Variants in RPS6KA5 observed in about 807,000 individuals in gnomAD.
RPS6KA5 encodes the protein ribosomal protein S6 kinase A5.
Under a neutral mutation model 85.5 loss-of-function variants are expected in RPS6KA5, and 27 were observed. That is an observed-to-expected ratio of 0.32 (90% CI 0.23 to 0.44). The LOEUF (loss-of-function observed/expected upper bound fraction) is 0.44. RPS6KA5 is among the 20% of genes least tolerant of loss of function. The probability of loss-of-function intolerance (pLI) is 1.00; values close to 1 mark genes in which losing one functional copy is unlikely to be tolerated. For synonymous variants in RPS6KA5, 334 were observed against 348.2 expected, an observed-to-expected ratio of 0.96 and a Z score of 0.46; for missense variants, 811 against 980.9, an observed-to-expected ratio of 0.83 and a Z score of 2.31.
At chr14:90,997,560 G>T (rs955170594) in intron 2 of RPS6KA5, among the ~76,000 whole-genome samples, 1 of 151,938 alleles carries the variant, frequency 6.6e-6, no homozygotes, top group Non-Finnish European at 1.5e-5. Context: ...TTTTAATTTT[G>T]GCAAGATGGG....
intron 1 of RPS6KA5, chr14:91,052,492 A>T: frequency 4.1e-6 from 1 of 241,858 alleles, no homozygotes; most frequent in South Asian, 3.8e-5. Context: ...AAACAGATTT[A>T]CTTAAGAGAT....
intron 2 of RPS6KA5, among the ~76,000 whole-genome samples, chr14:90,982,285 C>CA (rs5810527): frequency 1.2e-3 from 168 of 144,784 alleles, no homozygotes; most frequent in African/African-American, 3.3e-3. Flanking sequence ...ATTCCTTTGG[C>CA]AAAAAAAAAA....
At chr14:91,008,863 G>A (rs912057247) in intron 1 of RPS6KA5, among the ~76,000 whole-genome samples, 3 of 152,158 alleles carry the variant, frequency 2.0e-5, no homozygotes, top group African/African-American at 7.2e-5. Flanking sequence ...AATGTGCATA[G>A]AAGCAAGGAA....
chr14:90,994,008 C>T (rs1375472896), intron 2 of RPS6KA5, among the ~76,000 whole-genome samples: 1 of 152,010 alleles, frequency 6.6e-6, no homozygotes, highest in Non-Finnish European at 1.5e-5. Context: ...CTCACCTCAG[C>T]CTCCTGAATG....
intron 2 of RPS6KA5, among the ~76,000 whole-genome samples, chr14:90,996,914 T>C (rs2140558476): frequency 6.6e-6 from 1 of 152,290 alleles, no homozygotes; most frequent in South Asian, 2.1e-4. Context: ...CTAAGAAAAT[T>C]TGTTTACCCA....
intron 3 of RPS6KA5, 131 bp from the exon 4 acceptor site, chr14:90,947,681 G>T (rs924579131): frequency 1.2e-5 from 7 of 568,334 alleles, no homozygotes; most frequent in Non-Finnish European, 1.8e-5. Context: ...TTAGCATACA[G>T]TATCATGTAG....
At chr14:90,903,290 G>A (rs902630402) in intron 8 of RPS6KA5, among the ~76,000 whole-genome samples, 37 of 152,072 alleles carry the variant, frequency 2.4e-4, no homozygotes, top group Admixed American at 6.5e-5. Context: ...AAGGTGTTAA[G>A]CCAAAAAGAA....
At chr14:90,978,112 C>A (rs558648359) in intron 3 of RPS6KA5, among the ~76,000 whole-genome samples, 194 bp downstream of exon 3, 3 of 152,206 alleles carry the variant, frequency 2.0e-5, no homozygotes, top group Non-Finnish European at 4.4e-5. Context: ...GAGGTAAATT[C>A]TTCCATAATG....
chr14:90,891,252 TAAATA>T (rs2034537846), intron 13 of RPS6KA5, among the ~76,000 whole-genome samples: 1 of 150,820 alleles, frequency 6.6e-6, no homozygotes, highest in Non-Finnish European at 1.5e-5. Flanking sequence ...AACAAAGTCA[TAAATA>T]AAATAGCTAT....
At chr14:91,059,209 G>A (rs965834131) in intron 1 of RPS6KA5, among the ~76,000 whole-genome samples, 3 of 148,428 alleles carry the variant, frequency 2.0e-5, no homozygotes, top group Non-Finnish European at 4.5e-5. Context: ...GCATGGTGGC[G>A]CATGCCTGTA....
At chr14:90,916,342 T>A (rs2036117849) in intron 7 of RPS6KA5, among the ~76,000 whole-genome samples, 1 of 152,186 alleles carries the variant, frequency 6.6e-6, no homozygotes, top group Admixed American at 6.5e-5. Context: ...TCTTAGCATA[T>A]TTTGAAATTT....
chr14:90,969,309 T>C (rs1361290518), intron 3 of RPS6KA5, among the ~76,000 whole-genome samples: 2 of 152,238 alleles, frequency 1.3e-5, no homozygotes, highest in African/African-American at 4.8e-5. Flanking sequence ...TCTAAGTACA[T>C]ACTGTTGCAC....
chr14:91,060,034 A>T, intron 1 of RPS6KA5: 1 of 985,168 alleles, frequency 1.0e-6, no homozygotes, highest in Non-Finnish European at 1.2e-6. Context: ...GGGAAGGGGG[A>T]GCAGCGACAT....
At chr14:91,020,583 T>TGTGTG (rs2041713314) in intron 1 of RPS6KA5, among the ~76,000 whole-genome samples, 5 of 121,964 alleles carry the variant, frequency 4.1e-5, no homozygotes, top group East Asian at 2.5e-4. Flanking sequence ...TGTGTGTGTG[T>TGTGTG]TTATATGTGT....
chr14:90,971,290 C>T (rs942226934), intron 3 of RPS6KA5, among the ~76,000 whole-genome samples: 1 of 152,092 alleles, frequency 6.6e-6, no homozygotes, highest in Non-Finnish European at 1.5e-5. Context: ...GCACTCCAGC[C>T]TAGGCGACAG....
At chr14:90,978,190 G>T (rs561606772) in intron 3 of RPS6KA5, 116 bp downstream of exon 3, 1 of 710,616 alleles carries the variant, frequency 1.4e-6, no homozygotes, top group Non-Finnish European at 2.2e-6. Flanking sequence ...CAAAGAATGA[G>T]AATCAAAATA....
At position 90,852,082 on chromosome 14, in the gene RPS6KA5, ACTTTTTT is replaced by A. The variant is rs1313454132; in HGVS notation, c.*19985_*19991del. ...ATCGGTATCTTTTCTTTAAAAAATC[ACTTTTTT>A]TTTTTTTTTTTTTTTTTTAAGACGG... is the stretch of plus-strand genomic sequence containing the variant. On this transcript the variant is annotated 3_prime_UTR_variant, in exon 17 of 17. Coordinates refer to ENST00000614987, the MANE Select transcript of RPS6KA5 (RefSeq NM_004755.4). 1.3e-5 allele frequency: 1 copy of A among 75,236 alleles called. No individual in the cohort carries two copies. The highest frequency in any genetic ancestry group is 4.2e-5 in the African/African-American group (1 of 24,096). 4.7% of individuals were successfully genotyped at this position (75,236 alleles called of 1,614,324 possible). A position where few individuals can be genotyped will look rare whatever the true frequency, so the allele number is the denominator to read the frequency against.
chr14:90,903,227 T>TA (rs1426798262), intron 8 of RPS6KA5, among the ~76,000 whole-genome samples: 1 of 152,040 alleles, frequency 6.6e-6, no homozygotes, highest in Non-Finnish European at 1.5e-5. Context: ...CAAGACACCC[T>TA]AGTTTACCTT....
At chr14:90,936,609 A>G (rs1046705992) in intron 5 of RPS6KA5, among the ~76,000 whole-genome samples, 1 of 152,144 alleles carries the variant, frequency 6.6e-6, no homozygotes, top group Admixed American at 6.5e-5. Context: ...TATTTGACAA[A>G]TATCTCTAGA....
Sources: allele counts gnomAD v4.1 joint callset (sites outside exome capture counted in the v4.1 genomes callset), GRCh38; gene constraint gnomAD v4.1.1; transcripts MANE v1.5; gene names NCBI Gene and HGNC (gene_info 2026-07-23, HGNC 2026-07-21).